FARS2: variants seen among roughly 807,000 people sequenced by gnomAD.
FARS2 encodes phenylalanine--tRNA ligase, mitochondrial.
Under a neutral mutation model 46.4 loss-of-function variants are expected in FARS2, and 40 were observed. The observed-to-expected ratio is 0.86, with a 90% CI of 0.67 to 1.12. The LOEUF is 1.12. Among genes scored for constraint, FARS2 ranks in the 50% most tolerant of loss-of-function variants. FARS2 has a pLI of 0.00. For synonymous variants in FARS2, 234 were observed against 214.9 expected (o/e 1.09, Z -0.78); for missense variants, 513 against 567.9 (o/e 0.90, Z 0.98).
chr6:5,479,724 G>A (rs1681406652), intron 4 of FARS2, among the ~76,000 whole-genome samples: 1 of 152,014 alleles, frequency 6.6e-6, no homozygotes, highest in African/African-American at 2.4e-5. Context: ...AAATTCCACA[G>A]CGATTTAAAA....
chr6:5,338,845 C>G (rs998895042), intron 1 of FARS2, among the ~76,000 whole-genome samples: 1 of 152,110 alleles, frequency 6.6e-6, no homozygotes, highest in Non-Finnish European at 1.5e-5. Context: ...TGCTCAGTGC[C>G]TTGGAACATG....
chr6:5,457,161 CCT>C (rs1764942200), intron 4 of FARS2: 1 of 152,338 alleles, frequency 6.6e-6, no homozygotes. Flanking sequence ...TGGGGTGCAC[CCT>C]GTCTCATCTG....
At chr6:5,349,709 G>A (rs1757452339) in intron 1 of FARS2, among the ~76,000 whole-genome samples, 1 of 151,952 alleles carries the variant, frequency 6.6e-6, no homozygotes, top group Admixed American at 6.6e-5. Context: ...TTCCATTCCA[G>A]GATACTACAT....
At chr6:5,341,257 T>TCC (rs1554165777) in intron 1 of FARS2, among the ~76,000 whole-genome samples, 1 of 56,700 alleles carries the variant, frequency 1.8e-5, no homozygotes, top group African/African-American at 7.6e-5. Flanking sequence ...TTTTTTTTTT[T>TCC]CCCTGTGAGA....
In FARS2 at chr6:5,607,029, C is replaced by T. The variant is rs550883573; in HGVS notation, c.1066-6140C>T. Among the ~76,000 whole-genome samples, 7 of 152,048 alleles carry T rather than the reference C, an allele frequency of 4.6e-5. No homozygotes were observed. The South Asian group carries it at 1.5e-3, about 32-fold the overall frequency. ...AGCCACCACAAGTTTTATGAAAACTCCATAGAGCACTGTCCCCCAACAAAG... is the reference window on the plus strand; with the variant it reads ...AGCCACCACAAGTTTTATGAAAACTTCATAGAGCACTGTCCCCCAACAAAG... On this transcript the variant is annotated intron_variant, in intron 5 of 6. Transcript: ENST00000274680.
At chr6:5,392,153 T>C (rs949602949) in intron 2 of FARS2, among the ~76,000 whole-genome samples, 3 of 152,240 alleles carry the variant, frequency 2.0e-5, no homozygotes, top group Non-Finnish European at 4.4e-5. Context: ...GACTGATGTC[T>C]AATTGGCTGA....
At chr6:5,424,106 T>C (rs1488970712) in intron 3 of FARS2, among the ~76,000 whole-genome samples, 9 of 152,146 alleles carry the variant, frequency 5.9e-5, no homozygotes, top group Non-Finnish European at 1.0e-4. Context: ...TTGCTTTATC[T>C]AAGTGGGAGC....
rs537985604 is a variant in FARS2 at position 5,374,635 on chromosome 6, G to T, written c.612+5453G>T. On this transcript the variant is annotated intron_variant, in intron 2 of 6. Transcript: ENST00000274680. ...GTTAATATCCCAACTAGATAAGAAA[G>T]AAAACTTTTGAAGTTTCATCATTAT... is the stretch of plus-strand genomic sequence containing the variant. Among the ~76,000 whole-genome samples, 4 of 151,910 alleles carry T rather than the reference G, an allele frequency of 2.6e-5. No individual in the cohort carries two copies. The East Asian group carries it at 7.7e-4, about 29-fold the overall frequency.
intron 6 of FARS2, among the ~76,000 whole-genome samples, chr6:5,735,721 G>A (rs545675370): frequency 1.3e-5 from 2 of 152,270 alleles, no homozygotes; most frequent in East Asian, 1.9e-4. Context: ...ATTAATAACC[G>A]TGGTCAATAG....
intron 3 of FARS2, among the ~76,000 whole-genome samples, chr6:5,416,976 G>A (rs1272297388): frequency 1.3e-5 from 2 of 152,094 alleles, no homozygotes; most frequent in African/African-American, 4.8e-5. Flanking sequence ...GCTTTGAATA[G>A]TTGATCAGCT....
chr6:5,650,913 T>C (rs1436758007), intron 6 of FARS2, among the ~76,000 whole-genome samples: 1 of 152,232 alleles, frequency 6.6e-6, no homozygotes, highest in African/African-American at 2.4e-5. Flanking sequence ...TTCTGATTCT[T>C]ACTGGTTTTG....
chr6:5,757,556 A>G (rs1377297244), intron 6 of FARS2, among the ~76,000 whole-genome samples: 1 of 152,236 alleles, frequency 6.6e-6, no homozygotes, highest in African/African-American at 2.4e-5. Flanking sequence ...AGTTTCATCA[A>G]GGGATCAGCC....
At chr6:5,339,584 G>C (rs1355553168) in intron 1 of FARS2, among the ~76,000 whole-genome samples, 1 of 151,956 alleles carries the variant, frequency 6.6e-6, no homozygotes, top group Admixed American at 6.6e-5. Flanking sequence ...ATGCTACCTT[G>C]CCTGGCTACT....
At chr6:5,387,824 A>G (rs6910655) in intron 2 of FARS2, among the ~76,000 whole-genome samples, 60,776 of 151,982 alleles carry the variant, frequency 0.4, 12,774 homozygotes, top group East Asian at 0.57. Flanking sequence ...TTGTTCCTGG[A>G]GCTGCAATCT....
chr6:5,668,820 A>T (rs1778291089), intron 6 of FARS2, among the ~76,000 whole-genome samples: 2 of 150,094 alleles, frequency 1.3e-5, no homozygotes, highest in African/African-American at 4.9e-5. Context: ...CAGCTTCCCG[A>T]GGAGCTGAGA....
chr6:5,369,346 A>C (rs527452912), intron 2 of FARS2, among the ~76,000 whole-genome samples, 164 bp downstream of exon 2: 21 of 152,278 alleles, frequency 1.4e-4, no homozygotes, highest in Admixed American at 1.2e-3. Flanking sequence ...GGTGTGCCCC[A>C]GTACTTTTTG....
intron 5 of FARS2, among the ~76,000 whole-genome samples, chr6:5,606,097 C>T (rs1774818694): frequency 2.0e-5 from 3 of 151,896 alleles, no homozygotes; most frequent in African/African-American, 4.8e-5. Flanking sequence ...ATTGCAGTTC[C>T]AGGAGAGAAT....
intron 1 of FARS2, among the ~76,000 whole-genome samples, chr6:5,346,096 C>T (rs892842903): frequency 2.6e-5 from 4 of 152,154 alleles, no homozygotes; most frequent in African/African-American, 9.7e-5. Context: ...CGTGCAGTCA[C>T]CTAGAAGTCT....
At chr6:5,742,661 A>G (rs976971572) in intron 6 of FARS2, among the ~76,000 whole-genome samples, 4 of 151,746 alleles carry the variant, frequency 2.6e-5, no homozygotes, top group Admixed American at 2.0e-4. Context: ...CCACCCCGCC[A>G]CTTCCACTCT....
Sources: allele counts gnomAD v4.1 joint callset (sites outside exome capture counted in the v4.1 genomes callset), GRCh38; gene constraint gnomAD v4.1.1; transcripts MANE v1.5; gene names NCBI Gene and HGNC (gene_info 2026-07-23, HGNC 2026-07-21).